Variants in PPP1R26 observed in about 807,000 individuals in gnomAD.
The protein encoded by PPP1R26 is 1A6/DRIM (down-regulated in metastasis) interacting protein.
Under a neutral mutation model 67.6 loss-of-function variants are expected in PPP1R26, and 22 were observed. The observed-to-expected ratio is 0.33, with a 90% CI of 0.23 to 0.46. PPP1R26 has a LOEUF of 0.46. PPP1R26 is among the 20% of genes least tolerant of loss of function. The probability of loss-of-function intolerance (pLI) is 1.00; values close to 1 mark genes in which losing one functional copy is unlikely to be tolerated. For synonymous variants in PPP1R26, 729 were observed against 717.2 expected (o/e 1.02, Z -0.26); for missense variants, 1,602 against 1,651.4 (o/e 0.97, Z 0.52).
In PPP1R26 at chr9:135,487,740, G is replaced by T; in HGVS notation, c.3230G>T (p.Gly1077Val). Reference sequence around the variant, plus strand: ...GGCCTGCCCAGCCTGCCCCTTGCGGGCTTCTCGCCGCTGCTGTCCACCCAG... The same window carrying T: ...GGCCTGCCCAGCCTGCCCCTTGCGGTCTTCTCGCCGCTGCTGTCCACCCAG... ...ARGLPSLPLA[G>V]FSPLLSTQLF... Residue 1077 changes from glycine (G) to valine (V), a missense_variant, in exon 4 of 4, where the codon GGC (glycine) becomes GTC (valine). Gly to Val is a moderately radical substitution (Grantham distance 109, BLOSUM62 -3). This residue lies in a region of PPP1R26 where 740 missense variants were observed against 696.3 expected (regional missense o/e 1.06). Transcript: ENST00000356818. 6.8e-7 allele frequency: 1 copy of T among 1,460,226 alleles called. No individual in the cohort carries two copies. The highest frequency in any genetic ancestry group is 1.4e-5 in the South Asian group (1 of 69,880). 90.5% of individuals were successfully genotyped at this position (1,460,226 alleles called of 1,614,324 possible).
At position 135,484,802 on chromosome 9, in the gene PPP1R26, G is replaced by C. The variant is rs762608687; in HGVS notation, c.292G>C (p.Val98Leu). 6.2e-7 allele frequency: 1 copy of C among 1,611,146 alleles called. No individual in the cohort carries two copies. The highest frequency in any genetic ancestry group is 8.5e-7 in the Non-Finnish European group (1 of 1,179,816). Residue 98 changes from valine (V) to leucine (L), a missense_variant, in exon 4 of 4, where the codon GTC becomes CTC. Transcript: ENST00000356818. ...GCACAAGGAGCCACCCGCGTTGGCT[G>C]TCTGTGGTCTCGTTGCTGACTTTGA... ...TVHKEPPALA[V>L]CGLVADFDPM...
At position 135,486,004 on chromosome 9, in the gene PPP1R26, T is replaced by G. The variant is rs764246136; in HGVS notation, c.1494T>G (p.Pro498=). The G allele has an allele frequency of 1.1e-5, 17 of 1,613,078 alleles. No individual in the cohort carries two copies. Among genetic ancestry groups the G allele is most frequent in the Non-Finnish European group, 1.7e-6 (2 of 1,180,030 alleles). Residue 498 remains proline (P), a synonymous_variant, in exon 4 of 4, where the codon CCT becomes CCG. Transcript: ENST00000356818. This position sits in a 1 kb window ranked among gnomAD's most constrained non-coding sequence, Gnocchi z 6.2. ...LDISKTILPA[P]VEGSDGSLSA... ...TCTCCAAGACGATCCTGCCGGCCCC[T>G]GTAGAGGGCAGTGACGGGTCCCTGT...
Position 135,486,914 on chromosome 9 carries a change from G to C in PPP1R26, c.2404G>C (p.Ala802Pro). ...CTTCCGGGTGAGGAGACCCGCCTCC[G>C]CCTCTGCCTCCGAAGGGAATCCATT... ...LAFRVRRPAS[A>P]SASEGNPFPR... is the part of the protein sequence containing the mutation. The change falls in exon 4 of 4, where the codon GCC becomes CCC. Residue 802 changes from alanine (A) to proline (P), a missense_variant. By Grantham distance (27) the Ala-to-Pro change is conservative. Around this residue, in one of 5 missense-constraint regions of PPP1R26, gnomAD observed 740 missense variants for 696.3 expected, o/e 1.06. Coordinates refer to ENST00000356818, the MANE Select transcript of PPP1R26 (RefSeq NM_014811.5). This position sits in a 1 kb window ranked among gnomAD's most constrained non-coding sequence, Gnocchi z 6.2. 1 of 1,612,900 alleles carries C rather than the reference G, an allele frequency of 6.2e-7. No individual in the cohort carries two copies. Among genetic ancestry groups the C allele is most frequent in the Non-Finnish European group, 8.5e-7 (1 of 1,179,966 alleles).
In PPP1R26 at chr9:135,486,866, G is replaced by C. The variant is rs371091169; in HGVS notation, c.2356G>C (p.Ala786Pro). Residue 786 changes from alanine to proline, a missense_variant, in exon 4 of 4, where the codon GCG becomes CCG. Ala to Pro is a conservative substitution (Grantham distance 27). Around this residue, in one of 5 missense-constraint regions of PPP1R26, gnomAD observed 740 missense variants for 696.3 expected, o/e 1.06. Coordinates refer to ENST00000356818, the MANE Select transcript of PPP1R26 (RefSeq NM_014811.5). This position sits in a 1 kb window ranked among gnomAD's most constrained non-coding sequence, Gnocchi z 6.2. ...TAERMRQEGA[A>P]SQDAALAFRV... is the part of the protein sequence containing the mutation. Reference sequence around the variant, plus strand: ...AGAGAGGATGAGGCAGGAGGGTGCCGCGAGCCAGGACGCGGCCCTGGCCTT... The same window carrying C: ...AGAGAGGATGAGGCAGGAGGGTGCCCCGAGCCAGGACGCGGCCCTGGCCTT... The C allele has an allele frequency of 1.9e-6, 3 of 1,611,678 alleles. No homozygotes were observed. In the East Asian group the frequency reaches 6.7e-5, roughly 36 times the overall value.
In PPP1R26 at chr9:135,487,366, A is replaced by G; in HGVS notation, c.2856A>G (p.Ser952=). Reference sequence around the variant, plus strand: ...GCGGTGTCTCCGCCAAGGGGCTCTCAGTGAGCAGGAGAAATGTTTACGTTC... The same window carrying G: ...GCGGTGTCTCCGCCAAGGGGCTCTCGGTGAGCAGGAGAAATGTTTACGTTC... ...TSGGVSAKGL[S]VSRRNVYVHK... Residue 952 remains serine (S), a synonymous_variant, in exon 4 of 4, where the codon TCA becomes TCG. Coordinates refer to ENST00000356818, the MANE Select transcript of PPP1R26 (RefSeq NM_014811.5). 6.4e-7 allele frequency: 1 copy of G among 1,558,582 alleles called. No homozygotes were observed. Among genetic ancestry groups the G allele is most frequent in the South Asian group, 1.2e-5 (1 of 83,134 alleles).
At chr9:135,479,257 C>G (rs899644077), upstream of PPP1R26, 2 of 151,990 alleles carry the variant, frequency 1.3e-5, no homozygotes, top group Non-Finnish European at 1.5e-5. This position sits in a 1 kb window ranked among gnomAD's most constrained non-coding sequence, Gnocchi z 5.9. Context: ...GGGCCGCCCC[C>G]GACCCCGGCC....
rs763978698 is a variant in PPP1R26, at chr9:135,484,621, C to T, written c.111C>T (p.Gly37=). The stretch of plus-strand genomic sequence containing the variant: ...GGTGCTTCTCGGAGGCTGACGAGGG[C>T]GTGGAGAGCGCGTCGGTGAGCGCCC... The part of the protein sequence containing the change: ...FPRCFSEADE[G]VESASVSARV... Residue 37 remains glycine, a synonymous_variant, in exon 4 of 4, where the codon GGC becomes GGT. Coordinates refer to ENST00000356818, the MANE Select transcript of PPP1R26 (RefSeq NM_014811.5). 4.3e-6 allele frequency: 7 copies of T among 1,611,866 alleles called. No homozygotes were observed. In the East Asian group the frequency reaches 6.7e-5, roughly 15 times the overall value.
At position 135,488,156 on chromosome 9, in the gene PPP1R26, G is replaced by C. The variant is rs779576319; in HGVS notation, c.*16G>C. On this transcript the variant is annotated 3_prime_UTR_variant, in exon 4 of 4. Coordinates refer to ENST00000356818, the MANE Select transcript of PPP1R26 (RefSeq NM_014811.5). ...GAAGGTCTAAGCCCTCGAGCTGTGG[G>C]TTCGCGTCCTGGGTTGCGTGCATTC... is the stretch of plus-strand genomic sequence containing the variant. The C allele has an allele frequency of 2.1e-5, 31 of 1,496,576 alleles. No homozygotes were observed. The East Asian group carries it at 6.8e-4, about 33-fold the overall frequency. The allele number at this position is 1,496,576 out of a possible 1,614,324, so 92.7% of individuals were successfully genotyped here.
chr9:135,487,365 C>CA lies in PPP1R26; in HGVS notation c.2856dup (p.Val953SerfsTer18). 6.4e-7 allele frequency: 1 copy of CA among 1,559,208 alleles called. No individual in the cohort carries two copies. Among genetic ancestry groups the CA allele is most frequent in the Non-Finnish European group, 8.7e-7 (1 of 1,153,582 alleles). On this transcript the variant is annotated frameshift_variant, in exon 4 of 4. Coordinates refer to ENST00000356818, the MANE Select transcript of PPP1R26 (RefSeq NM_014811.5). LOFTEE classifies it high-confidence loss of function. ...GGCGGTGTCTCCGCCAAGGGGCTCT[C>CA]AGTGAGCAGGAGAAATGTTTACGTT...
Position 135,487,828 on chromosome 9 carries a change from C to CCTGGGGCT in PPP1R26, c.3319_3326dup (p.Pro1110TrpfsTer47), listed in dbSNP as rs774387414. The stretch of plus-strand genomic sequence containing the variant: ...GGCAGGCTGGCCTCTTCAGCCCCCA[C>CCTGGGGCT]CTGGGGCTGCCTCTGCAGGGCCCCT... On this transcript the variant is annotated frameshift_variant, in exon 4 of 4. Transcript: ENST00000356818. LOFTEE classifies it high-confidence loss of function. The CCTGGGGCT allele has an allele frequency of 1.3e-6, 2 of 1,593,398 alleles. No individual in the cohort carries two copies. Among genetic ancestry groups the CCTGGGGCT allele is most frequent in the Non-Finnish European group, 1.7e-6 (2 of 1,172,208 alleles).
rs1271138474 is a variant in PPP1R26 at position 135,485,186 on chromosome 9, A to G, written c.676A>G (p.Ile226Val). The G allele has an allele frequency of 1.2e-6, 2 of 1,612,798 alleles. No homozygotes were observed. The highest frequency in any genetic ancestry group is 1.3e-5 in the African/African-American group (1 of 74,940). The change falls in exon 4 of 4, where the codon ATC (isoleucine) becomes GTC (valine). Residue 226 changes from isoleucine (I) to valine (V), a missense_variant. Around this residue, in one of 5 missense-constraint regions of PPP1R26, gnomAD observed 680 missense variants for 726.1 expected, o/e 0.94. Transcript: ENST00000356818. The surrounding 1 kb of genome is among the most constrained non-coding windows in gnomAD (Gnocchi z 7.2). The part of the protein sequence containing the change: ...VSSDDSFEQS[I>V]RAEIEQFLNE... ...CAGCGATGACTCCTTCGAGCAGAGC[A>G]TCAGGGCGGAAATAGAACAGTTTCT...
chr9:135,481,751 T>C (rs1830528744), intron 1 of PPP1R26, among the ~76,000 whole-genome samples: 1 of 151,986 alleles, frequency 6.6e-6, no homozygotes, highest in African/African-American at 2.4e-5. Flanking sequence ...CCCCAGTAGC[T>C]GGGATTACGG....
In PPP1R26 at chr9:135,485,391, G is replaced by A. The variant is rs563753237; in HGVS notation, c.881G>A (p.Arg294Gln). The change falls in exon 4 of 4, where the codon CGG (arginine) becomes CAG (glutamine). Residue 294 changes from arginine (R) to glutamine (Q), a missense_variant. Physicochemically the swap from Arg to Gln is conservative, Grantham distance 43 (BLOSUM62 1). This residue lies in a region of PPP1R26 where 680 missense variants were observed against 726.1 expected (regional missense o/e 0.94). Transcript: ENST00000356818. The surrounding 1 kb of genome is among the most constrained non-coding windows in gnomAD (Gnocchi z 7.2). ...GAGTTTGCCTTCCGCAAACCTCCCC[G>A]GTTAGCGAAGATGAACGTCCAGCCC... ...QKEFAFRKPP[R>Q]LAKMNVQPRS... 2.6e-5 allele frequency: 42 copies of A among 1,612,886 alleles called. No individual in the cohort carries two copies. Among genetic ancestry groups the A allele is most frequent in the East Asian group, 1.1e-4 (5 of 44,864 alleles).
Position 135,485,722 on chromosome 9 carries a change from A to G in PPP1R26, c.1212A>G (p.Ala404=). ...AGGAGAGAGCGCCTGACCCTCCCGCACACAGCACAAGCAGTGCCACAAAAA... is the reference window on the plus strand; with the variant it reads ...AGGAGAGAGCGCCTGACCCTCCCGCGCACAGCACAAGCAGTGCCACAAAAA... The part of the protein sequence containing the change: ...LREERAPDPP[A]HSTSSATKSA... The change falls in exon 4 of 4, where the codon GCA becomes GCG. Residue 404 remains alanine (A), a synonymous_variant. Coordinates refer to ENST00000356818, the MANE Select transcript of PPP1R26 (RefSeq NM_014811.5). The surrounding 1 kb of genome is among the most constrained non-coding windows in gnomAD (Gnocchi z 7.2). The G allele has an allele frequency of 6.2e-7, 1 of 1,610,314 alleles. No individual in the cohort carries two copies.
At position 135,485,665 on chromosome 9, in the gene PPP1R26, C is replaced by A. The variant is rs764793807; in HGVS notation, c.1155C>A (p.Asp385Glu). The A allele has an allele frequency of 5.0e-6, 8 of 1,611,786 alleles. No homozygotes were observed. Among genetic ancestry groups the A allele is most frequent in the Non-Finnish European group, 6.8e-6 (8 of 1,180,014 alleles). Residue 385 changes from aspartate to glutamate, a missense_variant, in exon 4 of 4, where the codon GAC (aspartate) becomes GAA (glutamate). Physicochemically the swap from Asp to Glu is conservative, Grantham distance 45. Transcript: ENST00000356818. This position sits in a 1 kb window ranked among gnomAD's most constrained non-coding sequence, Gnocchi z 7.2. ...TGCAGAAAACACGCAAGGAGGCCGA[C>A]GGGGACCTGCCCCAGAGGGTCCAAC... is the stretch of plus-strand genomic sequence containing the variant. The part of the protein sequence containing the change: ...YQLQKTRKEA[D>E]GDLPQRVQLR...
At chr9:135,481,988 C>G (rs1194105383) in intron 1 of PPP1R26, among the ~76,000 whole-genome samples, 2 of 152,190 alleles carry the variant, frequency 1.3e-5, no homozygotes, top group Non-Finnish European at 2.9e-5. Flanking sequence ...GGTGTCCAGG[C>G]CTTCTCTGCA....
Position 135,487,999 on chromosome 9 carries a change from G to C in PPP1R26, c.3489G>C (p.Ser1163=), listed in dbSNP as rs540758318. The C allele has an allele frequency of 3.1e-6, 5 of 1,611,260 alleles. No individual in the cohort carries two copies. In the East Asian group the frequency reaches 1.1e-4, roughly 36 times the overall value. The change falls in exon 4 of 4, where the codon TCG becomes TCC. Residue 1163 remains serine (S), a synonymous_variant. Transcript: ENST00000356818. ...TGCATGACAGGAGGAGCTCGGGCTC[G>C]GAGGAAAGCATTTTAGACCTGAGGT... ...LSLHDRRSSG[S]EESILDLRYR... is the part of the protein sequence containing the mutation.
rs113015718 is a variant in PPP1R26 at position 135,485,653 on chromosome 9, C to T, written c.1143C>T (p.Arg381=). ...AGCTGTACCAGCTGCAGAAAACACG[C>T]AAGGAGGCCGACGGGGACCTGCCCC... ...AIQLYQLQKT[R]KEADGDLPQR... The change falls in exon 4 of 4, where the codon CGC becomes CGT. Residue 381 remains arginine (R), a synonymous_variant. Transcript: ENST00000356818. This position sits in a 1 kb window ranked among gnomAD's most constrained non-coding sequence, Gnocchi z 7.2. 4.8e-5 allele frequency: 78 copies of T among 1,612,532 alleles called. No homozygotes were observed. The African/African-American group carries it at 9.6e-4, about 20-fold the overall frequency.
In PPP1R26 at chr9:135,487,022, G is replaced by A. The variant is rs1396694655; in HGVS notation, c.2512G>A (p.Glu838Lys). ...SSSVDSNDSI[E>K]LEIRKFLAEK... ...TTCAGTGGACAGCAACGACAGCATC[G>A]AACTGGAGATTAGGAAGTTTTTGGC... Residue 838 changes from glutamate (E) to lysine (K), a missense_variant, in exon 4 of 4, where the codon GAA becomes AAA. This residue lies in a region of PPP1R26 where 740 missense variants were observed against 696.3 expected (regional missense o/e 1.06). Transcript: ENST00000356818. 8.1e-6 allele frequency: 13 copies of A among 1,611,716 alleles called. No individual in the cohort carries two copies. Among genetic ancestry groups the A allele is most frequent in the Admixed American group, 1.7e-5 (1 of 59,990 alleles).
Sources: gnomAD v4.1 joint callset for allele counts (sites outside exome capture counted in the v4.1 genomes callset) on GRCh38, gnomAD v4.1.1 for gene constraint, gnomAD v4.1.1 regional missense constraint, Gnocchi (gnomAD v3.1) non-coding constraint, MANE v1.5 for transcripts, NCBI Gene and HGNC (gene_info 2026-07-23, HGNC 2026-07-21) for gene names.